The following AHDC1 variants were observed in gnomAD, a reference collection of about 807,000 sequenced individuals.
AHDC1 encodes the protein transcription factor Gibbin.
AHDC1 carries 7 observed loss-of-function variants against 87.9 expected under a neutral mutation model. The observed-to-expected ratio is 0.08, with a 90% CI of 0.05 to 0.15. The LOEUF is 0.15. Ranked by LOEUF, AHDC1 falls within the 10% of genes least tolerant of loss-of-function variation. AHDC1 has a pLI of 1.00. For missense variants in AHDC1, 1,841 were observed against 2,253.2 expected (o/e 0.82, Z 3.70); for synonymous variants, 1,051 against 1,006.8 (o/e 1.04, Z -0.83).
rs776465786 is a variant in AHDC1, at chr1:27,549,390, G to C, written c.2726C>G (p.Pro909Arg). The C allele has an allele frequency of 8.2e-5, 133 of 1,612,896 alleles. No individual in the cohort carries two copies. The Admixed American group carries it at 2.2e-3, about 27-fold the overall frequency. Residue 909 changes from proline (P) to arginine (R), a missense_variant, in exon 8 of 9, where the codon CCC becomes CGC. Pro to Arg is a moderately radical substitution (Grantham distance 103). This residue lies in a region of AHDC1 where 378 missense variants were observed against 399.0 expected (regional missense o/e 0.95). Transcript: ENST00000673934. Reference protein sequence around the residue: ...AVGSSGAGADPSFQPVLSARQ... With the variant: ...AVGSSGAGADRSFQPVLSARQ... Reference sequence around the variant, plus strand: ...CGCGGACAGGACAGGCTGAAAGGAGGGGTCCGCCCCAGCCCCGCTGCTACC... The same window carrying C: ...CGCGGACAGGACAGGCTGAAAGGAGCGGTCCGCCCCAGCCCCGCTGCTACC...
Position 27,561,321 on chromosome 1 carries a change from T to C in AHDC1, c.-628-2438A>G, listed in dbSNP as rs895367080. On this transcript the variant is annotated intron_variant, in intron 3 of 8. Transcript: ENST00000673934. The surrounding 1 kb of genome is among the most constrained non-coding windows in gnomAD (Gnocchi z 4.2). ...TGGTGGTGGGTGGGAGGAGTCTGCATGGGGTCTGCCTGGCCCTGAGTGTTG... is the reference window on the plus strand; with the variant it reads ...TGGTGGTGGGTGGGAGGAGTCTGCACGGGGTCTGCCTGGCCCTGAGTGTTG... Among the ~76,000 whole-genome samples the C allele has an allele frequency of 6.6e-6, 1 of 151,848 alleles. No homozygotes were observed. The highest frequency in any genetic ancestry group is 2.4e-5 in the African/African-American group (1 of 41,156).
rs2089282434 is a variant in AHDC1, at chr1:27,593,394, C to G, written c.-629+10003G>C. Among the ~76,000 whole-genome samples, 1 of 152,236 alleles carries G rather than the reference C, an allele frequency of 6.6e-6. No individual in the cohort carries two copies. Among genetic ancestry groups the G allele is most frequent in the Admixed American group, 6.5e-5 (1 of 15,294 alleles). On this transcript the variant is annotated intron_variant, in intron 3 of 8. Coordinates refer to ENST00000673934, the MANE Select transcript of AHDC1 (RefSeq NM_001371928.1). This position sits in a 1 kb window ranked among gnomAD's most constrained non-coding sequence, Gnocchi z 4.9. ...GCCCCAGAGTCTACCGCAGTGTGCCCACTGCTGCCGCCACCACTACCCCCA... is the reference window on the plus strand; with the variant it reads ...GCCCCAGAGTCTACCGCAGTGTGCCGACTGCTGCCGCCACCACTACCCCCA...
chr1:27,578,370 C>T (rs1198829541), intron 3 of AHDC1, among the ~76,000 whole-genome samples: 2 of 152,028 alleles, frequency 1.3e-5, no homozygotes, highest in Non-Finnish European at 2.9e-5. Flanking sequence ...GGGTGGATCA[C>T]CTGAGGTCAG....
chr1:27,602,238 G>A (rs1359458926), intron 3 of AHDC1, among the ~76,000 whole-genome samples: 2 of 151,928 alleles, frequency 1.3e-5, no homozygotes, highest in African/African-American at 2.4e-5. Flanking sequence ...CTGGCCCCCA[G>A]GGTCTGCGGT....
chr1:27,569,888 A>C (rs967456238), intron 3 of AHDC1, among the ~76,000 whole-genome samples: 2 of 152,070 alleles, frequency 1.3e-5, no homozygotes, highest in Non-Finnish European at 2.9e-5. Flanking sequence ...GGGATGTCAA[A>C]GCACCTTTCC....
At chr1:27,545,640 G>C (rs1326399642) in intron 8 of AHDC1, among the ~76,000 whole-genome samples, 1 of 152,038 alleles carries the variant, frequency 6.6e-6, no homozygotes, top group Non-Finnish European at 1.5e-5. Context: ...GTTTCTCCCT[G>C]GCCTGCTTCA....
intron 3 of AHDC1, among the ~76,000 whole-genome samples, chr1:27,572,883 C>A (rs2088584383): frequency 6.6e-6 from 1 of 152,250 alleles, no homozygotes; most frequent in Admixed American, 6.5e-5. Context: ...GTCTTGTGCG[C>A]CATGCCCCAA....
At position 27,534,789 on chromosome 1, in the gene AHDC1, TGG is replaced by T. The variant is rs1007623957; in HGVS notation, c.*169_*170del. On this transcript the variant is annotated 3_prime_UTR_variant, in exon 9 of 9. Coordinates refer to ENST00000673934, the MANE Select transcript of AHDC1 (RefSeq NM_001371928.1). The stretch of plus-strand genomic sequence containing the variant: ...TCGGCTTCTGCGTGGAGGAGATGGG[TGG>T]GAGGGGGTGGAGGGAGATGGGTCTG... 6 of 18,436 alleles carry T rather than the reference TGG, an allele frequency of 3.3e-4. No individual in the cohort carries two copies. The highest frequency in any genetic ancestry group is 5.6e-4 in the Non-Finnish European group (5 of 8,882). 1.1% of individuals were successfully genotyped at this position (18,436 alleles called of 1,614,324 possible). A position where few individuals can be genotyped will look rare whatever the true frequency, so the allele number is the denominator to read the frequency against.
At chr1:27,564,906 G>A (rs536885038) in intron 3 of AHDC1, among the ~76,000 whole-genome samples, 11 of 152,186 alleles carry the variant, frequency 7.2e-5, no homozygotes, top group South Asian at 4.2e-4. Context: ...AGGGCCCCTC[G>A]TTTTACAGGA....
chr1:27,537,664 G>A (rs2018705473), intron 8 of AHDC1, among the ~76,000 whole-genome samples: 1 of 152,166 alleles, frequency 6.6e-6, no homozygotes, highest in East Asian at 1.9e-4. Flanking sequence ...TGGTACTGCT[G>A]CACACCCAGG....
intron 3 of AHDC1, among the ~76,000 whole-genome samples, chr1:27,587,367 C>T (rs895551290): frequency 3.3e-5 from 5 of 152,286 alleles, no homozygotes; most frequent in Admixed American, 6.5e-5. Context: ...TCCATAGGCC[C>T]GTTCCACAAC....
chr1:27,550,669 C>T lies in AHDC1; in HGVS notation c.1447G>A (p.Val483Ile), dbSNP rs140548603. 7.2e-5 allele frequency: 116 copies of T among 1,613,190 alleles called. No homozygotes were observed. In the African/African-American group the frequency reaches 8.3e-4, roughly 11 times the overall value. ...GTCTTGTTCCGCCGCCCCAGCGATA[C>T]GGGGATCTTGGCCATCTTCACCACC... The part of the protein sequence containing the change: ...RMVVKMAKIP[V>I]SLGRRNKTTY... The change falls in exon 8 of 9, where the codon GTA (valine) becomes ATA (isoleucine). Residue 483 changes from valine to isoleucine, a missense_variant. This residue lies in a region of AHDC1 where 27 missense variants were observed against 58.6 expected (regional missense o/e 0.46). Coordinates refer to ENST00000673934, the MANE Select transcript of AHDC1 (RefSeq NM_001371928.1).
chr1:27,573,525 T>C (rs192059910), intron 3 of AHDC1, among the ~76,000 whole-genome samples: 2 of 152,304 alleles, frequency 1.3e-5, no homozygotes, highest in East Asian at 3.9e-4. Flanking sequence ...TGCCCAACAG[T>C]GCATCCAAAG....
At position 27,547,557 on chromosome 1, in the gene AHDC1, T is replaced by C; in HGVS notation, c.4559A>G (p.Glu1520Gly). 1.9e-6 allele frequency: 3 copies of C among 1,610,992 alleles called. No homozygotes were observed. The highest frequency in any genetic ancestry group is 2.5e-6 in the Non-Finnish European group (3 of 1,179,034). ...GGGTGGGCCAGGGGGCCGGGCCATT[T>C]CCAGTGGCTCCTTGTCGGCCTTGGG... The part of the protein sequence containing the change: ...ATPKADKEPL[E>G]MARPPGPPRG... The change falls in exon 8 of 9, where the codon GAA (glutamate) becomes GGA (glycine). Residue 1520 changes from glutamate to glycine, a missense_variant. Glu to Gly is a moderately conservative substitution (Grantham distance 98, BLOSUM62 -2). Coordinates refer to ENST00000673934, the MANE Select transcript of AHDC1 (RefSeq NM_001371928.1). The surrounding 1 kb of genome is among the most constrained non-coding windows in gnomAD (Gnocchi z 4.9).
chr1:27,599,482 C>T (rs2089471910), intron 3 of AHDC1, among the ~76,000 whole-genome samples: 1 of 152,182 alleles, frequency 6.6e-6, no homozygotes, highest in African/African-American at 2.4e-5. Flanking sequence ...TCCCAGGAGG[C>T]CCCCTGCAGC....
At chr1:27,589,797 T>C (rs1382023065) in intron 3 of AHDC1, among the ~76,000 whole-genome samples, 2 of 152,174 alleles carry the variant, frequency 1.3e-5, no homozygotes, top group African/African-American at 4.8e-5. Context: ...GCTCCCATAA[T>C]GGGATCATTC....
intron 8 of AHDC1, among the ~76,000 whole-genome samples, chr1:27,537,771 G>A (rs1219181471): frequency 6.6e-6 from 1 of 152,114 alleles, no homozygotes; most frequent in Non-Finnish European, 1.5e-5. Flanking sequence ...ACATTCCTCT[G>A]AGTCCTCATG....
At position 27,543,668 on chromosome 1, in the gene AHDC1, G is replaced by A. The variant is rs1002037585; in HGVS notation, c.*43+3593C>T. Among the ~76,000 whole-genome samples, 3 of 152,284 alleles carry A rather than the reference G, an allele frequency of 2.0e-5. No homozygotes were observed. The South Asian group carries it at 6.2e-4, about 32-fold the overall frequency. ...AGCAAGAGTTGTGGGGACTGGGGCG[G>A]GTGCGGTGGCTCACACCTGTAATCC... On this transcript the variant is annotated intron_variant, in intron 8 of 8. Transcript: ENST00000673934.
At chr1:27,557,419 C>G (rs922133738) in intron 5 of AHDC1, among the ~76,000 whole-genome samples, 6 of 151,966 alleles carry the variant, frequency 3.9e-5, no homozygotes, top group African/African-American at 7.3e-5. Flanking sequence ...TGTTCCACGC[C>G]CCCCCGCTCC....
Sources: gnomAD v4.1 joint callset for allele counts (sites outside exome capture counted in the v4.1 genomes callset) on GRCh38, gnomAD v4.1.1 for gene constraint, gnomAD v4.1.1 regional missense constraint, Gnocchi (gnomAD v3.1) non-coding constraint, MANE v1.5 for transcripts, NCBI Gene and HGNC (gene_info 2026-07-23, HGNC 2026-07-21) for gene names.